KCNN3: variants seen among roughly 807,000 people sequenced by gnomAD.
KCNN3 encodes small conductance calcium-activated potassium channel protein 3.
A neutral mutation model predicts 62.9 loss-of-function variants in KCNN3; 16 were observed. The ratio of observed to expected loss-of-function variants is 0.25; its 90% CI spans 0.17 to 0.39. The LOEUF (loss-of-function observed/expected upper bound fraction) is 0.39. KCNN3 is among the 10% of genes least tolerant of loss of function. The probability of loss-of-function intolerance (pLI) is 1.00; values close to 1 mark genes in which losing one functional copy is unlikely to be tolerated. For synonymous variants in KCNN3, 370 were observed against 389.2 expected (o/e 0.95, Z 0.58); for missense variants, 599 against 949.4 (o/e 0.63, Z 4.85).
intron 2 of KCNN3, among the ~76,000 whole-genome samples, chr1:154,797,317 C>T (rs1393608678): frequency 2.6e-5 from 4 of 152,168 alleles, no homozygotes; most frequent in African/African-American, 7.2e-5. Flanking sequence ...GAGTAGGGTT[C>T]GAATTCTGAC....
intron 2 of KCNN3, among the ~76,000 whole-genome samples, chr1:154,786,488 T>C (rs1366470830): frequency 2.8e-4 from 43 of 152,260 alleles, no homozygotes; most frequent in Admixed American, 2.8e-3. Context: ...AGTGGATCTA[T>C]ATGTATTGAC....
At chr1:154,846,391 C>A (rs537617007) in intron 1 of KCNN3, among the ~76,000 whole-genome samples, 2 of 152,322 alleles carry the variant, frequency 1.3e-5, no homozygotes, top group East Asian at 3.9e-4. Context: ...ATATTTACAG[C>A]CCCCGAGGCT....
Position 154,846,052 on chromosome 1 carries a change from C to T in KCNN3, c.933+22980G>A, listed in dbSNP as rs188573940. ...CCAAAACAGTGGGGTGGCACAGCAC[C>T]CACACCAGCCAACACCAGCTGGCAG... On this transcript the variant is annotated intron_variant, in intron 1 of 7. Coordinates refer to ENST00000271915, the MANE Select transcript of KCNN3 (RefSeq NM_002249.6). Among the ~76,000 whole-genome samples the T allele has an allele frequency of 3.9e-4, 60 of 152,278 alleles. 1 individual carries two copies. The highest frequency in any genetic ancestry group is 3.9e-3 in the Admixed American group (59 of 15,308).
At chr1:154,835,974 T>G (rs1317266091) in intron 1 of KCNN3, among the ~76,000 whole-genome samples, 1 of 152,152 alleles carries the variant, frequency 6.6e-6, no homozygotes, top group Non-Finnish European at 1.5e-5. Flanking sequence ...CTGGCATCAG[T>G]GGTCAGATAG....
At chr1:154,864,416 C>T (rs1315878264) in intron 1 of KCNN3, among the ~76,000 whole-genome samples, 2 of 152,340 alleles carry the variant, frequency 1.3e-5, no homozygotes, top group Non-Finnish European at 1.5e-5. Flanking sequence ...ACAAGGCTTC[C>T]GTGACCAGGG....
chr1:154,757,811 G>A (rs1011481097), intron 3 of KCNN3, among the ~76,000 whole-genome samples: 1 of 152,192 alleles, frequency 6.6e-6, no homozygotes, highest in Non-Finnish European at 1.5e-5. Flanking sequence ...CCACTGGGTT[G>A]GAGCAGAGAA....
At chr1:154,737,490 CCAGA>C (rs1158474920) in intron 3 of KCNN3, among the ~76,000 whole-genome samples, 9 of 152,022 alleles carry the variant, frequency 5.9e-5, no homozygotes, top group African/African-American at 2.2e-4. Context: ...CCAGGAATCC[CCAGA>C]CAGTCAGGAG....
intron 6 of KCNN3, among the ~76,000 whole-genome samples, chr1:154,714,319 GGT>G (rs1182972287): frequency 1.2e-3 from 66 of 55,162 alleles, no homozygotes; most frequent in South Asian, 2.2e-3. Flanking sequence ...GTTTGTGTGA[GGT>G]GTGTGTGTGT....
intron 2 of KCNN3, among the ~76,000 whole-genome samples, chr1:154,792,326 G>A (rs1649551958): frequency 2.0e-5 from 3 of 152,198 alleles, no homozygotes; most frequent in Admixed American, 2.0e-4. Flanking sequence ...GACAGAAGGA[G>A]GTGGGCTCTT....
intron 4 of KCNN3, among the ~76,000 whole-genome samples, chr1:154,729,107 C>A (rs1700535829): frequency 6.6e-6 from 1 of 152,054 alleles, no homozygotes; most frequent in African/African-American, 2.4e-5. Context: ...GAGGGCCTGG[C>A]TAACTGTGGA....
chr1:154,827,536 C>T (rs1014141809), intron 1 of KCNN3, among the ~76,000 whole-genome samples: 6 of 152,180 alleles, frequency 3.9e-5, no homozygotes, highest in African/African-American at 7.2e-5. Flanking sequence ...TGGTGGCTCA[C>T]GCCTGTAAGT....
At chr1:154,774,618 C>G (rs1419234002) in intron 2 of KCNN3, among the ~76,000 whole-genome samples, 1 of 152,232 alleles carries the variant, frequency 6.6e-6, no homozygotes, top group Non-Finnish European at 1.5e-5. Flanking sequence ...CCTCTCTTTA[C>G]TGGGTCCTTG....
chr1:154,734,826 C>T lies in KCNN3; in HGVS notation c.1449-1682G>A, dbSNP rs115653378. ...TTTCCCAGGTAAGCAGCAGGAGGCA[C>T]GGAGACACTGGGTGACTTGCCTAAG... On this transcript the variant is annotated intron_variant, in intron 3 of 7. Coordinates refer to ENST00000271915, the MANE Select transcript of KCNN3 (RefSeq NM_002249.6). Among the ~76,000 whole-genome samples, 599 of 152,306 alleles carry T rather than the reference C, an allele frequency of 3.9e-3. 9 individuals carry two copies. Among genetic ancestry groups the T allele is most frequent in the African/African-American group, 0.014 (567 of 41,556 alleles).
chr1:154,773,060 A>G (rs1648639741), intron 2 of KCNN3, among the ~76,000 whole-genome samples: 1 of 152,128 alleles, frequency 6.6e-6, no homozygotes, highest in Admixed American at 6.5e-5. Flanking sequence ...AGTTTGCTAT[A>G]TAGGTAAACT....
chr1:154,858,948 A>G (rs1159260582), intron 1 of KCNN3, among the ~76,000 whole-genome samples: 3 of 152,080 alleles, frequency 2.0e-5, no homozygotes, highest in Non-Finnish European at 4.4e-5. Context: ...ATATGCAGGG[A>G]TCTTGCCCAC....
At chr1:154,744,488 A>G (rs1029044767) in intron 3 of KCNN3, among the ~76,000 whole-genome samples, 4 of 152,204 alleles carry the variant, frequency 2.6e-5, no homozygotes, top group African/African-American at 9.7e-5. Flanking sequence ...CCTGGGCAGG[A>G]ACCATTCTAG....
intron 2 of KCNN3, among the ~76,000 whole-genome samples, chr1:154,795,003 C>T (rs1294370736): frequency 1.3e-5 from 2 of 152,196 alleles, no homozygotes; most frequent in African/African-American, 4.8e-5. Flanking sequence ...GTTGTCATGG[C>T]TGGATTTCCC....
intron 7 of KCNN3, among the ~76,000 whole-genome samples, chr1:154,710,806 C>A (rs1383067249): frequency 1.3e-5 from 2 of 152,102 alleles, no homozygotes; most frequent in Non-Finnish European, 2.9e-5. Flanking sequence ...CCATCTCATA[C>A]CAGTTAGAAT....
chr1:154,813,142 T>A (rs1320638003), intron 2 of KCNN3, among the ~76,000 whole-genome samples: 1 of 150,450 alleles, frequency 6.6e-6, no homozygotes, highest in Admixed American at 6.6e-5. Context: ...TGGCCTCTCG[T>A]CCCATGTAGA....
Sources: gnomAD v4.1 joint callset for allele counts (sites outside exome capture counted in the v4.1 genomes callset) on GRCh38, gnomAD v4.1.1 for gene constraint, MANE v1.5 for transcripts, NCBI Gene and HGNC (gene_info 2026-07-23, HGNC 2026-07-21) for gene names.